TMEM154: variants seen among roughly 807,000 people sequenced by gnomAD.
The protein encoded by TMEM154 is transmembrane protein 154.
In TMEM154, 27 loss-of-function variants were observed where a neutral mutation model predicts 24.5. The observed-to-expected ratio is 1.10, with a 90% confidence interval of 0.81 to 1.52. TMEM154 has a LOEUF of 1.52. Ranked by LOEUF, TMEM154 falls within the 40% of genes most tolerant of loss-of-function variation. The pLI is 0.00. For missense variants in TMEM154, 228 were observed against 213.4 expected (o/e 1.07, Z -0.43); for synonymous variants, 67 against 76.8 (o/e 0.87, Z 0.67).
At chr4:152,679,718 C>G (rs1171279606) in intron 1 of TMEM154, 152 bp downstream of exon 1, 2 of 1,136,034 alleles carry the variant, frequency 1.8e-6, no homozygotes, top group Admixed American at 2.0e-5. Flanking sequence ...ATCCCACCCC[C>G]CAAAAAAAGG....
chr4:152,637,758 C>A (rs1752179304), intron 6 of TMEM154, among the ~76,000 whole-genome samples: 5 of 152,166 alleles, frequency 3.3e-5, no homozygotes, highest in Admixed American at 3.3e-4. Flanking sequence ...CAATGACCCA[C>A]AAATGCACTT....
intron 4 of TMEM154, 98 bp downstream of exon 4, chr4:152,644,317 G>T: frequency 1.4e-6 from 2 of 1,379,912 alleles, no homozygotes; most frequent in Non-Finnish European, 2.1e-6. Flanking sequence ...GGAGAGTCCC[G>T]CAAGATGTCA....
chr4:152,628,257 C>A lies in TMEM154; in HGVS notation c.*289G>T. ...GAGCTAGAAGTTGGCTGAGAGGAGG[C>A]AACACATGTTGATCAGAAGTGAGCA... is the stretch of plus-strand genomic sequence containing the variant. On this transcript the variant is annotated 3_prime_UTR_variant, in exon 7 of 7. Coordinates refer to ENST00000304385, the MANE Select transcript of TMEM154 (RefSeq NM_152680.3). 1 of 505,106 alleles carries A rather than the reference C, an allele frequency of 2.0e-6. No homozygotes were observed. Among genetic ancestry groups the A allele is most frequent in the Non-Finnish European group, 3.5e-6 (1 of 287,980 alleles). 31.3% of individuals were successfully genotyped at this position (505,106 alleles called of 1,614,324 possible). A position where few individuals can be genotyped will look rare whatever the true frequency, so the allele number is the denominator to read the frequency against.
intron 6 of TMEM154, among the ~76,000 whole-genome samples, chr4:152,628,940 C>T (rs1002154350): frequency 2.6e-5 from 4 of 152,028 alleles, no homozygotes; most frequent in African/African-American, 4.8e-5. Flanking sequence ...CCACTGCACC[C>T]GGCCAACAGT....
chr4:152,678,993 G>A (rs1729007293), intron 1 of TMEM154, among the ~76,000 whole-genome samples: 1 of 152,058 alleles, frequency 6.6e-6, no homozygotes, highest in African/African-American at 2.4e-5. Flanking sequence ...CCTTTTGCTT[G>A]GTAAATACTG....
intron 6 of TMEM154, among the ~76,000 whole-genome samples, chr4:152,632,700 T>C (rs769105317): frequency 4.6e-5 from 7 of 152,236 alleles, no homozygotes; most frequent in Non-Finnish European, 1.0e-4. Flanking sequence ...TTTACGTTTG[T>C]GCCATTTTTA....
In TMEM154 at chr4:152,622,695, A is replaced by G. The variant is rs1010017987; in HGVS notation, c.*5851T>C. 1.3e-5 allele frequency: 2 copies of G among 152,246 alleles called. No individual in the cohort carries two copies. The highest frequency in any genetic ancestry group is 2.9e-5 in the Non-Finnish European group (2 of 68,048). 9.4% of individuals were successfully genotyped at this position (152,246 alleles called of 1,614,324 possible). A position where few individuals can be genotyped will look rare whatever the true frequency, so the allele number is the denominator to read the frequency against. ...TATATACATATGTATACTGACATTT[A>G]TAAAATTGTAAATCATACTGGAAAA... On this transcript the variant is annotated 3_prime_UTR_variant, in exon 7 of 7. Coordinates refer to ENST00000304385, the MANE Select transcript of TMEM154 (RefSeq NM_152680.3).
intron 2 of TMEM154, 36 bp from the exon 3 acceptor site, chr4:152,652,612 T>A: frequency 6.2e-7 from 1 of 1,613,888 alleles, no homozygotes; most frequent in Non-Finnish European, 8.5e-7. Flanking sequence ...TTTTATTGAT[T>A]GTTCACTAAC....
intron 3 of TMEM154, chr4:152,646,821 C>CTT (rs1337345741): frequency 9.6e-6 from 6 of 622,150 alleles, no homozygotes; most frequent in Non-Finnish European, 1.7e-5. Context: ...CTTGTTTCCA[C>CTT]GCTGAGCAGT....
At chr4:152,665,176 C>A (rs56705246) in intron 1 of TMEM154, among the ~76,000 whole-genome samples, 6,295 of 152,308 alleles carry the variant, frequency 0.041, 401 homozygotes, top group African/African-American at 0.14. Context: ...CACCAGTGCA[C>A]TCTAGCCTGG....
In TMEM154 at chr4:152,628,289, C is replaced by T. The variant is rs943370144; in HGVS notation, c.*257G>A. 8 of 599,098 alleles carry T rather than the reference C, an allele frequency of 1.3e-5. No individual in the cohort carries two copies. Among genetic ancestry groups the T allele is most frequent in the Non-Finnish European group, 1.7e-5 (6 of 345,574 alleles). 37.1% of individuals were successfully genotyped at this position (599,098 alleles called of 1,614,324 possible). On this transcript the variant is annotated 3_prime_UTR_variant, in exon 7 of 7. Coordinates refer to ENST00000304385, the MANE Select transcript of TMEM154 (RefSeq NM_152680.3). ...TGTTGATCAGAAGTGAGCACATCACCCGCCTCCTTCTCCACCCTCAGAGGC... is the reference window on the plus strand; with the variant it reads ...TGTTGATCAGAAGTGAGCACATCACTCGCCTCCTTCTCCACCCTCAGAGGC...
chr4:152,652,920 A>G lies in TMEM154; in HGVS notation c.72T>C (p.Tyr24=), dbSNP rs1216353170. Residue 24 remains tyrosine (Y), a synonymous_variant, in exon 2 of 7, where the codon TAT becomes TAC. Transcript: ENST00000304385. ...TATCTCCTGAGTTTTCTAATTCCTC[A>G]TAATTACCTGTGGGAATAGATACAA... is the stretch of plus-strand genomic sequence containing the variant. ...IALVPVGRGN[Y]EELENSGDTT... is the part of the protein sequence containing the mutation. 1.9e-6 allele frequency: 3 copies of G among 1,598,942 alleles called. No homozygotes were observed. The highest frequency in any genetic ancestry group is 1.3e-5 in the African/African-American group (1 of 74,164).
At chr4:152,628,892 A>G (rs185446309) in intron 6 of TMEM154, among the ~76,000 whole-genome samples, 1,884 of 150,990 alleles carry the variant, frequency 0.012, 40 homozygotes, top group African/African-American at 0.042. Context: ...TGATCTGCCC[A>G]CCTTGACCTC....
chr4:152,664,377 C>CG (rs1282752051), intron 1 of TMEM154, among the ~76,000 whole-genome samples: 4 of 129,456 alleles, frequency 3.1e-5, no homozygotes, highest in Middle Eastern at 3.9e-3. Flanking sequence ...CCTGTCGTGG[C>CG]GGGGGGGTAC....
Position 152,628,491 on chromosome 4 carries a change from T to G in TMEM154, c.*55A>C. The G allele has an allele frequency of 7.0e-7, 1 of 1,430,516 alleles. No homozygotes were observed. 88.6% of individuals were successfully genotyped at this position (1,430,516 alleles called of 1,614,324 possible). A position where few individuals can be genotyped will look rare whatever the true frequency, so the allele number is the denominator to read the frequency against. On this transcript the variant is annotated 3_prime_UTR_variant, in exon 7 of 7. Transcript: ENST00000304385. ...TCCTCTTCATCCTCTGTTGGCAGCCTCAGCAGACTCCCTCAGGGGCTGCTT... is the reference window on the plus strand; with the variant it reads ...TCCTCTTCATCCTCTGTTGGCAGCCGCAGCAGACTCCCTCAGGGGCTGCTT...
At chr4:152,632,512 A>T (rs914774761) in intron 6 of TMEM154, among the ~76,000 whole-genome samples, 2 of 152,220 alleles carry the variant, frequency 1.3e-5, no homozygotes, top group Non-Finnish European at 2.9e-5. Flanking sequence ...TGAAATGTGC[A>T]TAGGGATTTT....
intron 5 of TMEM154, among the ~76,000 whole-genome samples, chr4:152,642,008 C>T (rs945093839): frequency 8.1e-5 from 12 of 147,646 alleles, no homozygotes; most frequent in African/African-American, 2.3e-4. Context: ...CTGCAACCTC[C>T]GCCTCCTGGG....
Position 152,679,894 on chromosome 4 carries a change from T to C in TMEM154, c.40A>G (p.Ile14Val), listed in dbSNP as rs1179666415. 1 of 1,610,906 alleles carries C rather than the reference T, an allele frequency of 6.2e-7. No individual in the cohort carries two copies. Among genetic ancestry groups the C allele is most frequent in the Non-Finnish European group, 8.5e-7 (1 of 1,179,056 alleles). ...CCCCGGCCGACGGGAACGAGCGCGA[T>C]CACCAGGGCGAAGACTAGGGCTGCG... ...PRAALVFALV[I>V]ALVPVGRGNY... Residue 14 changes from isoleucine to valine, a missense_variant, in exon 1 of 7, where the codon ATC becomes GTC. Physicochemically the swap from Ile to Val is conservative, Grantham distance 29. Transcript: ENST00000304385.
intron 5 of TMEM154, 33 bp from the exon 6 acceptor site, chr4:152,641,018 T>C (rs971399041): frequency 6.3e-7 from 1 of 1,593,300 alleles, no homozygotes; most frequent in East Asian, 2.3e-5. Flanking sequence ...TCATTGTTAG[T>C]TACTGAAATC....
Sources: allele counts gnomAD v4.1 joint callset (sites outside exome capture counted in the v4.1 genomes callset), GRCh38; gene constraint gnomAD v4.1.1; transcripts MANE v1.5; gene names NCBI Gene and HGNC (gene_info 2026-07-23, HGNC 2026-07-21).